Variants in NFIA observed in about 807,000 individuals in gnomAD.
NFIA encodes the protein nuclear factor I A, also known as nuclear factor 1 A-type.
NFIA carries 8 observed loss-of-function variants against 62.8 expected under a neutral mutation model. The ratio of observed to expected loss-of-function variants is 0.13; its 90% CI spans 0.07 to 0.23. The LOEUF (loss-of-function observed/expected upper bound fraction) is 0.23. Ranked by LOEUF, NFIA falls within the 10% of genes least tolerant of loss-of-function variation. The pLI, the probability that NFIA is intolerant of heterozygous loss-of-function variation, is 1.00. For synonymous variants in NFIA, 235 were observed against 238.1 expected (o/e 0.99, Z 0.12); for missense variants, 410 against 642.1 (o/e 0.64, Z 3.91).
intron 6 of NFIA, among the ~76,000 whole-genome samples, chr1:61,366,783 C>T (rs1663614929): frequency 6.6e-6 from 1 of 152,068 alleles, no homozygotes; most frequent in African/African-American, 2.4e-5. Context: ...TTTAGCTGGG[C>T]GTGGCGGCGC....
chr1:61,332,566 A>G lies in NFIA; in HGVS notation c.680A>G (p.Glu227Gly). The change falls in exon 4 of 11, where the codon GAG becomes GGG. Residue 227 changes from glutamate to glycine, a missense_variant. Transcript: ENST00000403491. ...ACATCAGGTGTTTTTAGTGTCACTGAGCTAGTAAGAGTGTCACAGAGTAAG... is the reference window on the plus strand; with the variant it reads ...ACATCAGGTGTTTTTAGTGTCACTGGGCTAGTAAGAGTGTCACAGAGTAAG... ...FVTSGVFSVT[E>G]LVRVSQTPIA... The G allele has an allele frequency of 1.2e-6, 2 of 1,613,806 alleles. No homozygotes were observed. Among genetic ancestry groups the G allele is most frequent in the East Asian group, 4.5e-5 (2 of 44,868 alleles).
At chr1:61,143,178 C>A (rs116343976) in intron 2 of NFIA, among the ~76,000 whole-genome samples, 2 of 152,062 alleles carry the variant, frequency 1.3e-5, no homozygotes, top group Admixed American at 1.3e-4. Context: ...TATTAGTCAG[C>A]GTGGCATCAG....
chr1:61,172,347 A>G (rs148861245), intron 2 of NFIA, among the ~76,000 whole-genome samples: 83 of 152,316 alleles, frequency 5.4e-4, no homozygotes, highest in African/African-American at 1.8e-3. Flanking sequence ...GAATGACATG[A>G]AGGTTGGATG....
At chr1:61,103,714 A>G (rs966015859) in intron 2 of NFIA, among the ~76,000 whole-genome samples, 2 of 152,144 alleles carry the variant, frequency 1.3e-5, no homozygotes, top group South Asian at 2.1e-4. Context: ...GTAACATATA[A>G]AATAGTTTTT....
chr1:61,180,283 A>G (rs956281600), intron 2 of NFIA, among the ~76,000 whole-genome samples: 4 of 152,208 alleles, frequency 2.6e-5, no homozygotes, highest in Non-Finnish European at 5.9e-5. Context: ...AAAGAGGCAA[A>G]GACGCCGTAA....
At chr1:61,235,241 T>TC (rs1654919673) in intron 2 of NFIA, among the ~76,000 whole-genome samples, 2 of 152,024 alleles carry the variant, frequency 1.3e-5, no homozygotes, top group African/African-American at 2.4e-5. Context: ...GGCGTGTGGA[T>TC]CATGAGGTCA....
chr1:61,285,585 G>C (rs1268476713), intron 3 of NFIA, among the ~76,000 whole-genome samples: 2 of 152,098 alleles, frequency 1.3e-5, no homozygotes, highest in Admixed American at 6.5e-5. Flanking sequence ...CTCTTCTTCA[G>C]GTTTTACTCA....
intron 2 of NFIA, among the ~76,000 whole-genome samples, chr1:61,176,422 C>T (rs1008771472): frequency 2.0e-5 from 3 of 152,168 alleles, no homozygotes; most frequent in African/African-American, 4.8e-5. Context: ...CCAGGTTCCC[C>T]TTTCATCTCA....
chr1:61,446,423 T>C (rs1667814078), intron 10 of NFIA, among the ~76,000 whole-genome samples: 1 of 152,044 alleles, frequency 6.6e-6, no homozygotes, highest in African/African-American at 2.4e-5. Flanking sequence ...TCATGATTCC[T>C]GCACAGGGAT....
At chr1:61,240,634 CA>C (rs1196128551) in intron 2 of NFIA, among the ~76,000 whole-genome samples, 3 of 151,768 alleles carry the variant, frequency 2.0e-5, no homozygotes, top group East Asian at 1.9e-4. Flanking sequence ...TCAGTATGGA[CA>C]AAAAATATTT....
intron 2 of NFIA, among the ~76,000 whole-genome samples, chr1:61,128,129 A>G (rs1647007482): frequency 6.6e-6 from 1 of 152,042 alleles, no homozygotes; most frequent in Admixed American, 6.5e-5. Context: ...TTTATTCAAT[A>G]ATGTAGACGT....
chr1:61,122,528 C>G (rs766878421), intron 2 of NFIA, among the ~76,000 whole-genome samples: 1 of 152,190 alleles, frequency 6.6e-6, no homozygotes, highest in Non-Finnish European at 1.5e-5. Context: ...GGTAGCACTA[C>G]AGATTGTATC....
intron 2 of NFIA, among the ~76,000 whole-genome samples, chr1:61,234,138 C>T (rs929459990): frequency 2.0e-5 from 3 of 151,860 alleles, no homozygotes; most frequent in Admixed American, 6.6e-5. Context: ...GAGGCCGAGG[C>T]GGGCGGATCA....
chr1:61,144,934 C>G (rs1647818559), intron 2 of NFIA, among the ~76,000 whole-genome samples: 2 of 150,354 alleles, frequency 1.3e-5, no homozygotes, highest in Non-Finnish European at 3.0e-5. Context: ...GACACAGAGT[C>G]CTCTTGGAAA....
chr1:61,391,134 C>T (rs1387143244), intron 7 of NFIA, among the ~76,000 whole-genome samples: 5 of 152,126 alleles, frequency 3.3e-5, no homozygotes, highest in Non-Finnish European at 7.4e-5. Context: ...GATCACAGCT[C>T]ACTGCAGCCT....
At chr1:61,227,326 ATTGGTT>A (rs1654394552) in intron 2 of NFIA, among the ~76,000 whole-genome samples, 1 of 151,840 alleles carries the variant, frequency 6.6e-6, no homozygotes, top group Non-Finnish European at 1.5e-5. Context: ...TAGTTTAGAA[ATTGGTT>A]GAGCTGTTTC....
At chr1:61,424,533 C>T (rs1666780605) in intron 9 of NFIA, among the ~76,000 whole-genome samples, 1 of 152,152 alleles carries the variant, frequency 6.6e-6, no homozygotes, top group African/African-American at 2.4e-5. Context: ...ATCAATCACT[C>T]ATAGACTTCA....
intron 6 of NFIA, among the ~76,000 whole-genome samples, chr1:61,369,330 T>C (rs530193021): frequency 6.6e-6 from 1 of 152,076 alleles, no homozygotes; most frequent in Non-Finnish European, 1.5e-5. Flanking sequence ...AATAATTTAC[T>C]TGGAGGGAAC....
At chr1:61,241,331 G>T (rs951911598) in intron 2 of NFIA, among the ~76,000 whole-genome samples, 13 of 152,078 alleles carry the variant, frequency 8.5e-5, no homozygotes, top group African/African-American at 3.1e-4. Flanking sequence ...TAAAGAATTA[G>T]ATTTTTAAGC....
Sources: gnomAD v4.1 joint callset for allele counts (sites outside exome capture counted in the v4.1 genomes callset) on GRCh38, gnomAD v4.1.1 for gene constraint, MANE v1.5 for transcripts, NCBI Gene and HGNC (gene_info 2026-07-23, HGNC 2026-07-21) for gene names.